The following IL1RAPL2 variants were observed in gnomAD, a reference collection of about 807,000 sequenced individuals.
IL1RAPL2 encodes interleukin 1 receptor accessory protein like 2, also known as X-linked interleukin-1 receptor accessory protein-like 2.
In IL1RAPL2, 3 loss-of-function variants were observed where a neutral mutation model predicts 44.1. The observed-to-expected ratio is 0.07, with a 90% CI of 0.03 to 0.18. The LOEUF is 0.18. IL1RAPL2 is among the 10% of genes least tolerant of loss of function. The pLI is 1.00. For synonymous variants in IL1RAPL2, 181 were observed against 178.8 expected (o/e 1.01, Z -0.10); for missense variants, 391 against 496.4 (o/e 0.79, Z 2.02).
At chrX:104,717,757 C>T (rs1243927432) in intron 2 of IL1RAPL2, among the ~76,000 whole-genome samples, 1 of 108,543 alleles carries the variant, frequency 9.2e-6, no homozygotes, top group African/African-American at 3.4e-5. Flanking sequence ...GCTATCTCCC[C>T]CCCCCACCCC....
At chrX:105,258,564 T>A (rs2034332992) in intron 4 of IL1RAPL2, among the ~76,000 whole-genome samples, 1 of 112,165 alleles carries the variant, frequency 8.9e-6, no homozygotes, top group Non-Finnish European at 1.9e-5. Flanking sequence ...CTTTCAGGGA[T>A]GCCAGTGATT....
At chrX:104,635,893 C>T (rs1301439768) in intron 1 of IL1RAPL2, among the ~76,000 whole-genome samples, 1 of 112,335 alleles carries the variant, frequency 8.9e-6, no homozygotes, top group Admixed American at 9.4e-5. Context: ...TGAGGAGCTG[C>T]ATTCCTTTGG....
At chrX:104,910,252 C>G (rs1035828037) in intron 2 of IL1RAPL2, among the ~76,000 whole-genome samples, 1 of 111,990 alleles carries the variant, frequency 8.9e-6, no homozygotes, top group Non-Finnish European at 1.9e-5. Context: ...CGCCCACTGT[C>G]TGGCACTCTC....
chrX:105,153,645 A>G (rs2033246194), intron 2 of IL1RAPL2, among the ~76,000 whole-genome samples: 1 of 111,734 alleles, frequency 8.9e-6, no homozygotes, highest in Non-Finnish European at 1.9e-5. Flanking sequence ...GCAAAGACAT[A>G]AATCAATACA....
intron 5 of IL1RAPL2, among the ~76,000 whole-genome samples, chrX:105,459,913 A>G (rs1219632171): frequency 5.4e-5 from 6 of 111,529 alleles, no homozygotes; most frequent in Non-Finnish European, 1.1e-4. Flanking sequence ...AGTTGGCAAA[A>G]TTGGTACTAG....
At chrX:105,704,697 G>C (rs867341974) in intron 6 of IL1RAPL2, among the ~76,000 whole-genome samples, 1 of 110,791 alleles carries the variant, frequency 9.0e-6, no homozygotes, top group Admixed American at 9.7e-5. Flanking sequence ...ATGTGCCATG[G>C]TGGTTTGCTG....
intron 2 of IL1RAPL2, among the ~76,000 whole-genome samples, chrX:104,684,540 TG>T (rs1426350470): frequency 8.9e-6 from 1 of 112,295 alleles, no homozygotes; most frequent in Non-Finnish European, 1.9e-5. Context: ...TTGGAGGCCT[TG>T]ATTATAAAAT....
chrX:105,643,178 A>G (rs112807220), intron 6 of IL1RAPL2, among the ~76,000 whole-genome samples: 1,185 of 112,056 alleles, frequency 0.011, 24 homozygotes, highest in African/African-American at 0.036. Flanking sequence ...AGGACTGTCT[A>G]TCACCTACAG....
intron 6 of IL1RAPL2, among the ~76,000 whole-genome samples, chrX:105,694,688 T>A (rs2038062574): frequency 9.0e-6 from 1 of 111,254 alleles, no homozygotes; most frequent in South Asian, 3.8e-4. Context: ...TACTCTTCCA[T>A]CTGGAATGGG....
chrX:105,497,855 A>ATACAAAGCATGTGACAAAATTCAACAACC, intron 6 of IL1RAPL2, among the ~76,000 whole-genome samples: 1 of 112,426 alleles, frequency 8.9e-6, no homozygotes, highest in Non-Finnish European at 1.9e-5. Context: ...CAATAGATAC[A>ATACAAAGCATGTGACAAAATTCAACAACC]TACAAAGCAT....
At chrX:104,865,442 A>G (rs1213349950) in intron 2 of IL1RAPL2, among the ~76,000 whole-genome samples, 2 of 111,655 alleles carry the variant, frequency 1.8e-5, no homozygotes, top group Non-Finnish European at 3.8e-5. Context: ...TATGGGTTCA[A>G]GTTGACAAGG....
chrX:105,263,021 G>A (rs926430400), intron 4 of IL1RAPL2, among the ~76,000 whole-genome samples: 4 of 110,280 alleles, frequency 3.6e-5, no homozygotes, highest in African/African-American at 1.3e-4. Flanking sequence ...GAGTAGCTGG[G>A]TTTACAGGCA....
chrX:104,643,432 C>T (rs1298697405), intron 1 of IL1RAPL2, among the ~76,000 whole-genome samples: 3 of 112,026 alleles, frequency 2.7e-5, no homozygotes, highest in Non-Finnish European at 5.6e-5. Context: ...AATTAAAATA[C>T]ATATCACTGA....
chrX:105,261,443 C>A (rs1347658091), intron 4 of IL1RAPL2, among the ~76,000 whole-genome samples: 1 of 111,559 alleles, frequency 9.0e-6, no homozygotes, highest in Admixed American at 9.5e-5. Context: ...ATATCTTAGT[C>A]TATTTCTGAT....
At chrX:105,265,435 A>G (rs1294050538) in intron 4 of IL1RAPL2, among the ~76,000 whole-genome samples, 1 of 111,756 alleles carries the variant, frequency 8.9e-6, no homozygotes, top group Non-Finnish European at 1.9e-5. Context: ...TCATTTTCCC[A>G]GAAACCTTAT....
chrX:105,657,440 T>C (rs1369099464), intron 6 of IL1RAPL2, among the ~76,000 whole-genome samples: 1 of 111,953 alleles, frequency 8.9e-6, no homozygotes, highest in Non-Finnish European at 1.9e-5. Context: ...CTCAGATAAT[T>C]TGGTGACCAA....
At chrX:104,956,506 G>A (rs933150258) in intron 2 of IL1RAPL2, among the ~76,000 whole-genome samples, 4 of 95,161 alleles carry the variant, frequency 4.2e-5, no homozygotes, top group East Asian at 3.1e-4. Context: ...TATGCCGGGC[G>A]TGGTGGCGCA....
chrX:104,816,784 A>G (rs1283411985), intron 2 of IL1RAPL2, among the ~76,000 whole-genome samples: 2 of 111,805 alleles, frequency 1.8e-5, no homozygotes, highest in African/African-American at 6.5e-5. Flanking sequence ...ATGACCCTAA[A>G]CAGTTACTTA....
chrX:104,940,084 TTGTATAGTA>T (rs1388117104), intron 2 of IL1RAPL2, among the ~76,000 whole-genome samples: 2 of 111,623 alleles, frequency 1.8e-5, no homozygotes, highest in African/African-American at 3.3e-5. Context: ...AATGTATTAG[TTGTATAGTA>T]TGTATAGTAT....
Sources: allele counts gnomAD v4.1 joint callset (sites outside exome capture counted in the v4.1 genomes callset), GRCh38; gene constraint gnomAD v4.1.1; transcripts MANE v1.5; gene names NCBI Gene and HGNC (gene_info 2026-07-23, HGNC 2026-07-21).